The following KAT2B variants were observed in gnomAD, a reference collection of about 807,000 sequenced individuals.
KAT2B encodes the protein histone acetyltransferase KAT2B.
A neutral mutation model predicts 105.9 loss-of-function variants in KAT2B; 36 were observed. The ratio of observed to expected loss-of-function variants is 0.34; its 90% CI spans 0.26 to 0.45. The LOEUF (loss-of-function observed/expected upper bound fraction) is 0.45. Ranked by LOEUF, KAT2B falls within the 20% of genes least tolerant of loss-of-function variation. KAT2B has a pLI of 1.00. For synonymous variants in KAT2B, 397 were observed against 377.9 expected (o/e 1.05, Z -0.59); for missense variants, 820 against 1,021.6 (o/e 0.80, Z 2.69).
intron 1 of KAT2B, among the ~76,000 whole-genome samples, chr3:20,041,277 C>T (rs1193492616): frequency 6.6e-6 from 1 of 151,896 alleles, no homozygotes; most frequent in African/African-American, 2.4e-5. Flanking sequence ...TTTGGGAAAG[C>T]GAAGGGGAGG....
At chr3:20,125,612 T>C (rs1699387763) in intron 9 of KAT2B, among the ~76,000 whole-genome samples, 1 of 152,226 alleles carries the variant, frequency 6.6e-6, no homozygotes, top group Non-Finnish European at 1.5e-5. Flanking sequence ...ATATTTTCTA[T>C]CTGGCCCTTC....
intron 5 of KAT2B, 143 bp downstream of exon 5, chr3:20,101,611 G>A (rs1175612799): frequency 1.3e-5 from 8 of 639,242 alleles, no homozygotes; most frequent in Non-Finnish European, 5.3e-6. Flanking sequence ...AATTTAACTT[G>A]CAAACTCCTG....
chr3:20,095,193 C>T, intron 2 of KAT2B, 70 bp from the exon 3 acceptor site: 1 of 1,286,034 alleles, frequency 7.8e-7, no homozygotes, highest in Non-Finnish European at 1.1e-6. Context: ...AGAGGACCTT[C>T]CACTTAAAAA....
intron 1 of KAT2B, among the ~76,000 whole-genome samples, chr3:20,042,513 A>G (rs1915920): frequency 0.16 from 23,886 of 152,140 alleles, 2,019 homozygotes; most frequent in Non-Finnish European, 0.19. Context: ...AACTTATGTA[A>G]TCAAACACCA....
At chr3:20,139,668 A>G (rs1699664946) in intron 12 of KAT2B, among the ~76,000 whole-genome samples, 1 of 152,102 alleles carries the variant, frequency 6.6e-6, no homozygotes, top group South Asian at 2.1e-4. Flanking sequence ...ATTATGGCTT[A>G]AAGTGTGTAA....
intron 1 of KAT2B, among the ~76,000 whole-genome samples, chr3:20,057,597 T>A (rs1366263144): frequency 1.3e-5 from 2 of 152,242 alleles, no homozygotes; most frequent in Non-Finnish European, 2.9e-5. Context: ...TTTTGACAGA[T>A]AATTTCTGAT....
In KAT2B at chr3:20,140,827, T is replaced by A. The variant is rs143669779; in HGVS notation, c.2004+463T>A. Among the ~76,000 whole-genome samples the A allele has an allele frequency of 1.6e-3, 250 of 152,276 alleles. 1 individual carries two copies. The highest frequency in any genetic ancestry group is 5.6e-3 in the African/African-American group (231 of 41,554). On this transcript the variant is annotated intron_variant, in intron 13 of 17. Coordinates refer to ENST00000263754, the MANE Select transcript of KAT2B (RefSeq NM_003884.5). ...TTAAAGGTATCCTTGATCTGTTTCCTTTCTCGGTTACCATTTCTACAAGAG... is the reference window on the plus strand; with the variant it reads ...TTAAAGGTATCCTTGATCTGTTTCCATTCTCGGTTACCATTTCTACAAGAG...
At chr3:20,098,220 A>C (rs1281355174) in intron 3 of KAT2B, among the ~76,000 whole-genome samples, 1 of 142,348 alleles carries the variant, frequency 7.0e-6, no homozygotes, top group African/African-American at 2.7e-5. Flanking sequence ...ACAGAGTGAG[A>C]CAACGTCCCA....
rs1472912779 is a variant in KAT2B at position 20,085,597 on chromosome 3, A to G, written c.431-9666A>G. On this transcript the variant is annotated intron_variant, in intron 2 of 17. Transcript: ENST00000263754. Reference sequence around the variant, plus strand: ...GCAATTTTGGCTCACTGCAGCCTCCACCTCCTGGGTTCAAGTGATTCTCTT... The same window carrying G: ...GCAATTTTGGCTCACTGCAGCCTCCGCCTCCTGGGTTCAAGTGATTCTCTT... Among the ~76,000 whole-genome samples, 5 of 145,720 alleles carry G rather than the reference A, an allele frequency of 3.4e-5. No homozygotes were observed. The East Asian group carries it at 1.0e-3, about 29-fold the overall frequency.
At chr3:20,073,879 T>G (rs1386557065) in intron 2 of KAT2B, among the ~76,000 whole-genome samples, 1 of 152,266 alleles carries the variant, frequency 6.6e-6, no homozygotes, top group Non-Finnish European at 1.5e-5. Flanking sequence ...TGGGAAATCC[T>G]ATTATCCTAC....
chr3:20,117,552 C>A (rs762001355), intron 7 of KAT2B, among the ~76,000 whole-genome samples: 24 of 152,132 alleles, frequency 1.6e-4, no homozygotes, highest in Admixed American at 2.6e-4. Flanking sequence ...AAACATAGAG[C>A]CTGGCACTTT....
intron 5 of KAT2B, among the ~76,000 whole-genome samples, chr3:20,103,153 T>C (rs1051238768): frequency 6.6e-6 from 1 of 152,196 alleles, no homozygotes; most frequent in Non-Finnish European, 1.5e-5. Flanking sequence ...GATTTTACAT[T>C]AACAATAGTT....
intron 2 of KAT2B, among the ~76,000 whole-genome samples, chr3:20,094,501 G>T (rs116764739): frequency 1.3e-5 from 2 of 152,066 alleles, no homozygotes; most frequent in East Asian, 1.9e-4. Context: ...AATACCGACC[G>T]CATGGGATTG....
intron 2 of KAT2B, among the ~76,000 whole-genome samples, chr3:20,092,014 T>C (rs1293977583): frequency 6.6e-6 from 1 of 152,172 alleles, no homozygotes; most frequent in Non-Finnish European, 1.5e-5. Context: ...AGAGAAAATT[T>C]CATGTGCACT....
chr3:20,127,165 TATTTGTAA>T (rs1472635783), intron 10 of KAT2B, among the ~76,000 whole-genome samples: 1 of 152,160 alleles, frequency 6.6e-6, no homozygotes, highest in Non-Finnish European at 1.5e-5. Context: ...CTCTGTTCTC[TATTTGTAA>T]ACCTCAGGCA....
chr3:20,123,657 T>C (rs1481314346), intron 9 of KAT2B, among the ~76,000 whole-genome samples: 1 of 152,218 alleles, frequency 6.6e-6, no homozygotes, highest in African/African-American at 2.4e-5. Flanking sequence ...TGTTGAAGGA[T>C]CAGTTAGGGA....
At chr3:20,076,701 C>T (rs1698426014) in intron 2 of KAT2B, among the ~76,000 whole-genome samples, 1 of 152,112 alleles carries the variant, frequency 6.6e-6, no homozygotes, top group Non-Finnish European at 1.5e-5. Context: ...TAGCAAGTTT[C>T]CTACATTTTT....
rs3021408 is a variant in KAT2B at position 20,072,338 on chromosome 3, G to C, written c.309G>C (p.Glu103Asp). The change falls in exon 2 of 18, where the codon GAG becomes GAC. Residue 103 changes from glutamate to aspartate, a missense_variant. Around this residue, in one of 6 missense-constraint regions of KAT2B, gnomAD observed 190 missense variants for 176.7 expected, o/e 1.08. Coordinates refer to ENST00000263754, the MANE Select transcript of KAT2B (RefSeq NM_003884.5). ...KLGVYSACKAEESCKCNGWKN... is the reference protein window; with the variant it reads ...KLGVYSACKADESCKCNGWKN... ...TTTCTTTATTCCATTTTTAGGCCGA[G>C]GAGTCTTGTAAATGTAATGGCTGGA... The C allele has an allele frequency of 6.2e-7, 1 of 1,612,918 alleles. No homozygotes were observed. Among genetic ancestry groups the C allele is most frequent in the Non-Finnish European group, 8.5e-7 (1 of 1,179,206 alleles).
chr3:20,118,247 T>A (rs1315298291), intron 7 of KAT2B, among the ~76,000 whole-genome samples: 1 of 146,088 alleles, frequency 6.8e-6, no homozygotes, highest in South Asian at 2.1e-4. Context: ...ATATTTACAT[T>A]TTTACAAAAA....
Sources: gnomAD v4.1 joint callset for allele counts (sites outside exome capture counted in the v4.1 genomes callset) on GRCh38, gnomAD v4.1.1 for gene constraint, gnomAD v4.1.1 regional missense constraint, MANE v1.5 for transcripts, NCBI Gene and HGNC (gene_info 2026-07-23, HGNC 2026-07-21) for gene names.